SRPK2: variants seen among roughly 807,000 people sequenced by gnomAD.
The protein encoded by SRPK2 is SRSF protein kinase 2.
SRPK2 carries 21 observed loss-of-function variants against 90.8 expected under a neutral mutation model. The observed-to-expected ratio is 0.23, with a 90% CI of 0.16 to 0.33. SRPK2 has a LOEUF of 0.33. Among genes scored for constraint, SRPK2 ranks in the 10% least tolerant of loss-of-function variants. The pLI is 1.00. For missense variants in SRPK2, 620 were observed against 869.0 expected (o/e 0.71, Z 3.60); for synonymous variants, 288 against 311.1 (o/e 0.93, Z 0.78).
chr7:105,145,804 G>C (rs1364658262), intron 8 of SRPK2, among the ~76,000 whole-genome samples: 1 of 152,180 alleles, frequency 6.6e-6, no homozygotes, highest in African/African-American at 2.4e-5. Flanking sequence ...AGGGTCAAAA[G>C]CTTAACAGGC....
upstream of SRPK2, among the ~76,000 whole-genome samples, chr7:105,391,013 T>G (rs1409004787): frequency 6.6e-6 from 1 of 152,140 alleles, no homozygotes; most frequent in East Asian, 1.9e-4. Context: ...CCCTCTGTAT[T>G]TAAGAAGTCT....
intron 2 of SRPK2, among the ~76,000 whole-genome samples, chr7:105,279,253 G>A (rs1806946472): frequency 6.6e-6 from 1 of 151,800 alleles, no homozygotes; most frequent in African/African-American, 2.4e-5. Flanking sequence ...AGAGAATGAA[G>A]AAGGAAAAGG....
chr7:105,317,770 T>C (rs1258050856), intron 2 of SRPK2, among the ~76,000 whole-genome samples: 3 of 152,198 alleles, frequency 2.0e-5, no homozygotes, highest in Non-Finnish European at 2.9e-5. Context: ...CCCCTTTTTG[T>C]TGCTGTTGTT....
chr7:105,131,799 C>A (rs1322216492), intron 13 of SRPK2, among the ~76,000 whole-genome samples: 1 of 152,158 alleles, frequency 6.6e-6, no homozygotes, highest in Non-Finnish European at 1.5e-5. Flanking sequence ...TGCACACAAT[C>A]TTTTCTTTTA....
At chr7:105,241,733 A>T (rs1800840240) in intron 2 of SRPK2, among the ~76,000 whole-genome samples, 1 of 152,168 alleles carries the variant, frequency 6.6e-6, no homozygotes, top group African/African-American at 2.4e-5. Context: ...CTGTGCAGGA[A>T]GATCGAGTCA....
intron 3 of SRPK2, among the ~76,000 whole-genome samples, chr7:105,184,041 T>A (rs1793250085): frequency 1.4e-5 from 2 of 142,106 alleles, no homozygotes; most frequent in South Asian, 2.2e-4. Flanking sequence ...AGTGGCATGA[T>A]CCCAGCTCAC....
At chr7:105,212,321 G>T (rs908946512) in intron 2 of SRPK2, among the ~76,000 whole-genome samples, 1 of 152,200 alleles carries the variant, frequency 6.6e-6, no homozygotes, top group Non-Finnish European at 1.5e-5. Context: ...ACAGTCTAGT[G>T]AGGAGGGGAA....
chr7:105,210,311 TAA>T (rs1399485351), intron 2 of SRPK2, among the ~76,000 whole-genome samples: 1 of 152,206 alleles, frequency 6.6e-6, no homozygotes, highest in Non-Finnish European at 1.5e-5. Flanking sequence ...GACATTCACA[TAA>T]AGTCAAATTT....
intron 2 of SRPK2, among the ~76,000 whole-genome samples, chr7:105,216,408 T>C (rs1233537076): frequency 1.3e-5 from 2 of 152,042 alleles, no homozygotes; most frequent in African/African-American, 4.8e-5. Flanking sequence ...GGTAATTTTT[T>C]CAAGATTCTT....
At chr7:105,244,258 C>T (rs930555658) in intron 2 of SRPK2, among the ~76,000 whole-genome samples, 6 of 152,208 alleles carry the variant, frequency 3.9e-5, no homozygotes, top group Non-Finnish European at 8.8e-5. Context: ...CAAAAAGATA[C>T]TGTCCAATAT....
At chr7:105,184,198 C>T (rs182299951) in intron 3 of SRPK2, among the ~76,000 whole-genome samples, 173 of 148,534 alleles carry the variant, frequency 1.2e-3, no homozygotes, top group Non-Finnish European at 1.8e-3. Context: ...AGGCTGGTCT[C>T]GAACTCCTGA....
At chr7:105,387,457 A>C (rs1821738107) in intron 2 of SRPK2, among the ~76,000 whole-genome samples, 1 of 151,962 alleles carries the variant, frequency 6.6e-6, no homozygotes, top group Non-Finnish European at 1.5e-5. Flanking sequence ...TTACCGACCA[A>C]TTAGTTCTTC....
chr7:105,344,754 AT>A (rs35353555), intron 2 of SRPK2, among the ~76,000 whole-genome samples: 27,338 of 150,750 alleles, frequency 0.18, 3,122 homozygotes, highest in East Asian at 0.59. Flanking sequence ...AATTAACTTT[AT>A]TTGCAAGTCT....
chr7:105,371,853 G>C (rs1489526147), intron 2 of SRPK2, among the ~76,000 whole-genome samples: 1 of 151,958 alleles, frequency 6.6e-6, no homozygotes, highest in East Asian at 1.9e-4. Context: ...ATGTTCCCTG[G>C]GCCGGGCACA....
chr7:105,223,199 T>C (rs1015053236), intron 2 of SRPK2, among the ~76,000 whole-genome samples: 2 of 152,174 alleles, frequency 1.3e-5, no homozygotes, highest in African/African-American at 2.4e-5. Context: ...CCAAAAAACA[T>C]CTGTCATCTC....
At chr7:105,202,477 A>T (rs747271834) in intron 3 of SRPK2, among the ~76,000 whole-genome samples, 1 of 152,222 alleles carries the variant, frequency 6.6e-6, no homozygotes, top group African/African-American at 2.4e-5. Context: ...TAATGTCCAA[A>T]TCAGTAAGTT....
chr7:105,245,034 A>C (rs375538499), intron 2 of SRPK2: 1,003 of 523,678 alleles, frequency 1.9e-3, no homozygotes, highest in Non-Finnish European at 2.2e-3. Flanking sequence ...AAACAAAACA[A>C]ACACACACAC....
chr7:105,187,545 T>G (rs1172519396), intron 3 of SRPK2, among the ~76,000 whole-genome samples: 1 of 152,214 alleles, frequency 6.6e-6, no homozygotes, highest in East Asian at 1.9e-4. Context: ...CCTGTCAGCT[T>G]TTACCTTCCT....
chr7:105,388,964 AC>A, upstream of SRPK2: 1 of 1,123,012 alleles, frequency 8.9e-7, no homozygotes, highest in Non-Finnish European at 1.1e-6. Flanking sequence ...ACCCAGCAAG[AC>A]CCGCCCCCGT....
Sources: allele counts gnomAD v4.1 joint callset (sites outside exome capture counted in the v4.1 genomes callset), GRCh38; gene constraint gnomAD v4.1.1; transcripts MANE v1.5; gene names NCBI Gene and HGNC (gene_info 2026-07-23, HGNC 2026-07-21).